Variants in ABHD17C observed in about 807,000 individuals in gnomAD.
ABHD17C encodes the protein alpha/beta hydrolase domain-containing protein 17C.
ABHD17C carries 11 observed loss-of-function variants against 27.9 expected under a neutral mutation model. The observed-to-expected ratio is 0.39, with a 90% confidence interval of 0.25 to 0.65. ABHD17C has a LOEUF of 0.65. Among genes scored for constraint, ABHD17C ranks in the 30% least tolerant of loss-of-function variants. The pLI, the probability that ABHD17C is intolerant of heterozygous loss-of-function variation, is 0.45. For missense variants in ABHD17C, 280 were observed against 470.2 expected (o/e 0.60, Z 3.74); for synonymous variants, 233 against 209.1 (o/e 1.11, Z -0.98).
At chr15:80,739,358 T>C (rs1166989154) in intron 1 of ABHD17C, among the ~76,000 whole-genome samples, 1 of 152,144 alleles carries the variant, frequency 6.6e-6, no homozygotes, top group Non-Finnish European at 1.5e-5. Context: ...TTTTGTTTTA[T>C]ATGTATTTTA....
rs147940975 is a variant in ABHD17C at position 80,695,408 on chromosome 15, C to T, written c.-22C>T. 7.3e-3 allele frequency: 8,817 copies of T among 1,215,744 alleles called. 530 individuals carry two copies. In the African/African-American group the frequency reaches 0.13, roughly 18 times the overall value. The allele number at this position is 1,215,744 out of a possible 1,614,324, so 75.3% of individuals were successfully genotyped here. On this transcript the variant is annotated 5_prime_UTR_variant, in exon 1 of 3. Coordinates refer to ENST00000258884, the MANE Select transcript of ABHD17C (RefSeq NM_021214.2). The surrounding 1 kb of genome is among the most constrained non-coding windows in gnomAD (Gnocchi z 4.3). ...CCAGCCAGCCAGCCAGCCGGGCCGG[C>T]GGCGGGCACCAGGCCGTCCCGATGC... is the stretch of plus-strand genomic sequence containing the variant.
chr15:80,713,382 T>TTTTTTTTTTTTTTTTC (rs1567032390), intron 1 of ABHD17C, among the ~76,000 whole-genome samples: 1 of 95,962 alleles, frequency 1.0e-5, no homozygotes, highest in East Asian at 2.3e-4. Context: ...TTTTTTTTTT[T>TTTTTTTTTTTTTTTTC]CAAAATCAGC....
chr15:80,698,102 T>G (rs1894518857), intron 1 of ABHD17C, among the ~76,000 whole-genome samples: 1 of 145,764 alleles, frequency 6.9e-6, no homozygotes, highest in Non-Finnish European at 1.5e-5. Context: ...TCTTGCTCTG[T>G]CGCCCAGGCT....
Position 80,723,974 on chromosome 15 carries a change from G to A in ABHD17C, c.591-25539G>A, listed in dbSNP as rs550917119. On this transcript the variant is annotated intron_variant, in intron 1 of 2. Transcript: ENST00000258884. ...TTCCAGCACTTTGGGAGGCTGAGGC[G>A]GGTGGATCACTTGATGTCAGGAGTT... 3.3e-5 allele frequency among the ~76,000 whole-genome samples: 5 copies of A among 152,232 alleles called. No individual in the cohort carries two copies. The East Asian group carries it at 5.8e-4, about 18-fold the overall frequency.
chr15:80,740,084 T>TTCTA (rs1895188397), intron 1 of ABHD17C, among the ~76,000 whole-genome samples: 1 of 152,172 alleles, frequency 6.6e-6, no homozygotes, highest in South Asian at 2.1e-4. Context: ...GACTTCCTGA[T>TTCTA]TCTATTGCTT....
chr15:80,726,092 G>A (rs142960579), intron 1 of ABHD17C, among the ~76,000 whole-genome samples: 7 of 152,226 alleles, frequency 4.6e-5, no homozygotes, highest in African/African-American at 1.2e-4. Context: ...GGGAAACAAA[G>A]GGATGGGCCA....
intron 1 of ABHD17C, among the ~76,000 whole-genome samples, chr15:80,737,320 C>T (rs1411126502): frequency 6.6e-6 from 1 of 152,128 alleles, no homozygotes; most frequent in Non-Finnish European, 1.5e-5. Context: ...AATATTAGTA[C>T]GGTCTTTGTT....
At chr15:80,708,256 A>G (rs1894675709) in intron 1 of ABHD17C, among the ~76,000 whole-genome samples, 1 of 151,828 alleles carries the variant, frequency 6.6e-6, no homozygotes, top group Admixed American at 6.6e-5. Context: ...GAATTACTAC[A>G]CTAGCCCGTT....
rs1285802003 is a variant in ABHD17C, at chr15:80,695,512, G to A, written c.83G>A (p.Arg28His). Reference sequence around the variant, plus strand: ...TTCTGCTGCCCGCCCTGCCCGAGCCGCATCGCCGCCAAGCTGGCCTTCCTG... The same window carrying A: ...TTCTGCTGCCCGCCCTGCCCGAGCCACATCGCCGCCAAGCTGGCCTTCCTG... ...WLFCCPPCPS[R>H]IAAKLAFLPP... The change falls in exon 1 of 3, where the codon CGC becomes CAC. Residue 28 changes from arginine to histidine, a missense_variant. Around this residue, in one of 2 missense-constraint regions of ABHD17C, gnomAD observed 74 missense variants for 75.5 expected, o/e 0.98. Transcript: ENST00000258884. The surrounding 1 kb of genome is among the most constrained non-coding windows in gnomAD (Gnocchi z 4.3). The A allele has an allele frequency of 7.2e-7, 1 of 1,380,778 alleles. No individual in the cohort carries two copies. The highest frequency in any genetic ancestry group is 9.5e-7 in the Non-Finnish European group (1 of 1,055,618). The allele number at this position is 1,380,778 out of a possible 1,614,324, so 85.5% of individuals were successfully genotyped here.
chr15:80,703,625 T>C (rs1485181326), intron 1 of ABHD17C, among the ~76,000 whole-genome samples: 1 of 152,224 alleles, frequency 6.6e-6, no homozygotes, highest in East Asian at 1.9e-4. Context: ...TTTTTAAGTG[T>C]GCAGTCTATG....
intron 1 of ABHD17C, among the ~76,000 whole-genome samples, chr15:80,743,330 G>A (rs968103327): frequency 8.5e-5 from 13 of 152,070 alleles, no homozygotes; most frequent in African/African-American, 1.2e-4. Flanking sequence ...CTCTAGATCC[G>A]CACTCACCCA....
intron 1 of ABHD17C, among the ~76,000 whole-genome samples, chr15:80,716,413 G>C (rs1241785007): frequency 6.6e-6 from 1 of 152,168 alleles, no homozygotes; most frequent in East Asian, 1.9e-4. Context: ...AAACGTCTCT[G>C]CTTCATGGGT....
intron 2 of ABHD17C, 102 bp downstream of exon 2, chr15:80,749,794 T>C (rs1895341855): frequency 7.3e-7 from 1 of 1,367,302 alleles, no homozygotes; most frequent in Non-Finnish European, 1.0e-6. Flanking sequence ...AATGCAGCCA[T>C]ACGTCAGACC....
intron 1 of ABHD17C, among the ~76,000 whole-genome samples, chr15:80,737,712 G>A (rs188184736): frequency 8.1e-4 from 124 of 152,286 alleles, no homozygotes; most frequent in Admixed American, 4.0e-3. Context: ...GTGAAAGGAC[G>A]AGGTAGGACC....
At chr15:80,705,956 C>T (rs1894642391) in intron 1 of ABHD17C, among the ~76,000 whole-genome samples, 2 of 152,190 alleles carry the variant, frequency 1.3e-5, no homozygotes, top group South Asian at 4.1e-4. Flanking sequence ...TTTGCCCCTC[C>T]ACTTTGCACT....
intron 1 of ABHD17C, among the ~76,000 whole-genome samples, chr15:80,719,290 G>A (rs982191892): frequency 3.9e-5 from 6 of 152,096 alleles, no homozygotes; most frequent in East Asian, 1.9e-4. Flanking sequence ...CCAATTTTGC[G>A]GACTTCCTTT....
rs549039329 is a variant in ABHD17C at position 80,750,666 on chromosome 15, TG to T, written c.770+975del. On this transcript the variant is annotated intron_variant, in intron 2 of 2. Transcript: ENST00000258884. ...GGGTGAACTTCAGTTTTGTGCAGTTTGTACCAGGATTCAATGAGATTCGGCT... is the reference window on the plus strand; with the variant it reads ...GGGTGAACTTCAGTTTTGTGCAGTTTTACCAGGATTCAATGAGATTCGGCT... Among the ~76,000 whole-genome samples the T allele has an allele frequency of 3.9e-5, 6 of 152,314 alleles. No individual in the cohort carries two copies. In the East Asian group the frequency reaches 1.2e-3, roughly 29 times the overall value.
intron 1 of ABHD17C, among the ~76,000 whole-genome samples, chr15:80,706,457 G>A (rs1567030916): frequency 2.6e-5 from 4 of 152,154 alleles, no homozygotes; most frequent in Admixed American, 1.3e-4. Context: ...AAGGAAAAAC[G>A]AGCGTAGAGA....
chr15:80,695,327 C>A lies in ABHD17C; in HGVS notation c.-103C>A, dbSNP rs1191708805. The A allele has an allele frequency of 5.2e-6, 4 of 769,506 alleles. No individual in the cohort carries two copies. Among genetic ancestry groups the A allele is most frequent in the African/African-American group, 3.8e-5 (2 of 52,852 alleles). 47.7% of individuals were successfully genotyped at this position (769,506 alleles called of 1,614,324 possible). ...GGGCGGGCGGGCTGCAGCCGCCCTCCGCGCTCGCCTGCCAGCTCCCTCGCC... is the reference window on the plus strand; with the variant it reads ...GGGCGGGCGGGCTGCAGCCGCCCTCAGCGCTCGCCTGCCAGCTCCCTCGCC... On this transcript the variant is annotated 5_prime_UTR_variant, in exon 1 of 3. Transcript: ENST00000258884. The surrounding 1 kb of genome is among the most constrained non-coding windows in gnomAD (Gnocchi z 4.3).
Sources: allele counts gnomAD v4.1 joint callset (sites outside exome capture counted in the v4.1 genomes callset), GRCh38; gene constraint gnomAD v4.1.1; regional missense constraint gnomAD v4.1.1; non-coding constraint Gnocchi (gnomAD v3.1); transcripts MANE v1.5; gene names NCBI Gene and HGNC (gene_info 2026-07-23, HGNC 2026-07-21).